Variants in CARD10 observed in about 807,000 individuals in gnomAD.
CARD10 encodes caspase recruitment domain family member 10, also known as caspase recruitment domain-containing protein 10.
In CARD10, 49 loss-of-function variants were observed where a neutral mutation model predicts 114.6. That is an observed-to-expected ratio of 0.43 (90% CI 0.34 to 0.54). The LOEUF is 0.54. CARD10 is among the 20% of genes least tolerant of loss of function. The pLI, the probability that CARD10 is intolerant of heterozygous loss-of-function variation, is 0.03. For synonymous variants in CARD10, 602 were observed against 593.2 expected (o/e 1.01, Z -0.21); for missense variants, 1,206 against 1,397.2 (o/e 0.86, Z 2.18).
chr22:37,519,077 G>T lies in CARD10; in HGVS notation c.124C>A (p.Leu42Met). Residue 42 changes from leucine to methionine, a missense_variant, in exon 1 of 20, where the codon CTG (leucine) becomes ATG (methionine). Physicochemically the swap from Leu to Met is conservative, Grantham distance 15. This residue lies in a region of CARD10 where 138 missense variants were observed against 218.0 expected (regional missense o/e 0.63). Transcript: ENST00000251973. The surrounding 1 kb of genome is among the most constrained non-coding windows in gnomAD (Gnocchi z 4.1). ...EGVRHRLARA[L>M]NPAKLTPYLR... is the part of the protein sequence containing the mutation. ...TACGGCGTGAGCTTGGCCGGGTTCA[G>T]GGCGCGAGCCAGCCGATGCCGGACG... 1 of 1,588,174 alleles carries T rather than the reference G, an allele frequency of 6.3e-7. No homozygotes were observed. Among genetic ancestry groups the T allele is most frequent in the Admixed American group, 1.7e-5 (1 of 58,574 alleles).
In CARD10 at chr22:37,496,504, C is replaced by T. The variant is rs756596755; in HGVS notation, c.2004G>A (p.Gln668=). ...EGACLEAEAQ[Q]RTLLWNQGST... ...ACCCCTGATTCCAGAGCAAGGTTCTCTGCTGGGCCTCGGCTTCCAGGCACG... is the reference window on the plus strand; with the variant it reads ...ACCCCTGATTCCAGAGCAAGGTTCTTTGCTGGGCCTCGGCTTCCAGGCACG... Residue 668 remains glutamine (Q), a synonymous_variant, in exon 13 of 20, where the codon CAG becomes CAA. Coordinates refer to ENST00000251973, the MANE Select transcript of CARD10 (RefSeq NM_014550.4). This position sits in a 1 kb window ranked among gnomAD's most constrained non-coding sequence, Gnocchi z 4.1. 2.5e-6 allele frequency: 4 copies of T among 1,613,816 alleles called. No individual in the cohort carries two copies. In the African/African-American group the frequency reaches 5.3e-5, roughly 22 times the overall value.
intron 7 of CARD10, among the ~76,000 whole-genome samples, chr22:37,505,039 C>A (rs1923357123): frequency 6.6e-6 from 1 of 152,202 alleles, no homozygotes; most frequent in Admixed American, 6.5e-5. Context: ...TCCAAAGAAA[C>A]TGTGGTTTGA....
intron 10 of CARD10, 35 bp downstream of exon 10, chr22:37,503,150 G>C: frequency 6.2e-7 from 1 of 1,607,596 alleles, no homozygotes; most frequent in African/African-American, 1.3e-5. Flanking sequence ...CCCCCGACCA[G>C]AGGAGCCCTC....
In CARD10 at chr22:37,504,697, G is replaced by A. The variant is rs775172893; in HGVS notation, c.1456C>T (p.Leu486=). The part of the protein sequence containing the change: ...TWSLSEFPSP[L]GGPEATGEAA... The stretch of plus-strand genomic sequence containing the variant: ...TCCCCAGTTGCTTCTGGGCCTCCCA[G>A]AGGGGAGGGGAACTCGCTCAGGCTC... The change falls in exon 8 of 20, where the codon CTG becomes TTG. Residue 486 remains leucine (L), a synonymous_variant. Coordinates refer to ENST00000251973, the MANE Select transcript of CARD10 (RefSeq NM_014550.4). The A allele has an allele frequency of 3.9e-5, 61 of 1,581,556 alleles. No homozygotes were observed. The highest frequency in any genetic ancestry group is 4.6e-5 in the Non-Finnish European group (54 of 1,165,436).
intron 8 of CARD10, 23 bp downstream of exon 8, chr22:37,504,612 T>C: frequency 6.9e-7 from 1 of 1,451,422 alleles, no homozygotes; most frequent in Non-Finnish European, 9.1e-7. Context: ...CCCCCCTTAT[T>C]TGGGATGGGG....
chr22:37,491,701 G>A, intron 19 of CARD10, 54 bp downstream of exon 19: 1 of 1,025,516 alleles, frequency 9.8e-7, no homozygotes, highest in South Asian at 1.3e-5. Context: ...CATCCTCAAG[G>A]AGGAAGCTCT....
rs534440808 is a variant in CARD10, at chr22:37,490,864, C to T, written c.*295G>A. On this transcript the variant is annotated 3_prime_UTR_variant, in exon 20 of 20. Coordinates refer to ENST00000251973, the MANE Select transcript of CARD10 (RefSeq NM_014550.4). ...ACAGGTGTGAGAACAGACTCCAGGG[C>T]GAGTGTTTAAGGAGAAGACACAGAC... The T allele has an allele frequency of 3.0e-4, 138 of 452,828 alleles. 2 individuals carry two copies. In the South Asian group the frequency reaches 4.0e-3, roughly 13 times the overall value. The allele number at this position is 452,828 out of a possible 1,614,324, so 28.1% of individuals were successfully genotyped here.
chr22:37,516,422 G>C (rs1923849031), intron 2 of CARD10, 124 bp from the exon 3 acceptor site: 4 of 699,526 alleles, frequency 5.7e-6, no homozygotes, highest in Non-Finnish European at 9.1e-6. Flanking sequence ...TATATTTGTA[G>C]AATTGGGAGC....
In CARD10 at chr22:37,492,685, T is replaced by C. The variant is rs377214071; in HGVS notation, c.2594A>G (p.Asp865Gly). ...LAPRLIRNLL[D>G]LPSSRLDFQV... ...GAAGTCCAGCCGGGAGCTGGGCAGG[T>C]CTAGCAGGTTACGGATGAGCCGGGG... The change falls in exon 17 of 20, where the codon GAC becomes GGC. Residue 865 changes from aspartate to glycine, a missense_variant. Physicochemically the swap from Asp to Gly is moderately conservative, Grantham distance 94. Coordinates refer to ENST00000251973, the MANE Select transcript of CARD10 (RefSeq NM_014550.4). This position sits in a 1 kb window ranked among gnomAD's most constrained non-coding sequence, Gnocchi z 5.7. The C allele has an allele frequency of 3.1e-6, 5 of 1,612,974 alleles. No individual in the cohort carries two copies. The highest frequency in any genetic ancestry group is 4.2e-6 in the Non-Finnish European group (5 of 1,179,872).
At chr22:37,498,328 T>C (rs1438573525) in intron 11 of CARD10, among the ~76,000 whole-genome samples, 1 of 152,148 alleles carries the variant, frequency 6.6e-6, no homozygotes, top group Non-Finnish European at 1.5e-5. Flanking sequence ...ATCCCCATCA[T>C]GGTAGGGTTC....
chr22:37,499,002 G>A (rs1278015144), intron 11 of CARD10, among the ~76,000 whole-genome samples: 1 of 152,010 alleles, frequency 6.6e-6, no homozygotes, highest in Non-Finnish European at 1.5e-5. Context: ...CTTAGTGGCT[G>A]GTAACATTCA....
intron 7 of CARD10, 145 bp downstream of exon 7, chr22:37,506,047 A>T (rs749569176): frequency 1.2e-4 from 70 of 579,924 alleles, no homozygotes; most frequent in Non-Finnish European, 1.7e-4. Flanking sequence ...TCCCGCCCCT[A>T]ACTGAGGACT....
At position 37,497,092 on chromosome 22, in the gene CARD10, C is replaced by T. The variant is rs1343377771; in HGVS notation, c.1874G>A (p.Gly625Glu). The change falls in exon 12 of 20, where the codon GGG (glycine) becomes GAG (glutamate). Residue 625 changes from glycine to glutamate, a missense_variant. This residue lies in a region of CARD10 where 1,068 missense variants were observed against 1,179.1 expected (regional missense o/e 0.91). Coordinates refer to ENST00000251973, the MANE Select transcript of CARD10 (RefSeq NM_014550.4). ...CACCACAGCCCCAGACCATCTGTCC[C>T]CATAAAACGACAGTCCATCTGGTCC... Reference protein sequence around the residue: ...DKGPDGLSFYGDRWSGAVVRR... With the variant: ...DKGPDGLSFYEDRWSGAVVRR... 1.9e-6 allele frequency: 3 copies of T among 1,614,128 alleles called. No individual in the cohort carries two copies. The African/African-American group carries it at 4.0e-5, about 22-fold the overall frequency.
In CARD10 at chr22:37,497,045, C is replaced by G. The variant is rs1312708740; in HGVS notation, c.1921G>C (p.Gly641Arg). ...TCTCTTGGTTCCATCCTGGCGGACC[C>G]AGGCCCAGACAGCACCCTGCGCACC... ...AVVRRVLSGPGSARMEPREQR... is the reference protein window; with the variant it reads ...AVVRRVLSGPRSARMEPREQR... The change falls in exon 12 of 20, where the codon GGG becomes CGG. Residue 641 changes from glycine (G) to arginine (R), a missense_variant. Coordinates refer to ENST00000251973, the MANE Select transcript of CARD10 (RefSeq NM_014550.4). The G allele has an allele frequency of 6.2e-7, 1 of 1,613,726 alleles. No homozygotes were observed. Among genetic ancestry groups the G allele is most frequent in the Non-Finnish European group, 8.5e-7 (1 of 1,179,894 alleles).
At chr22:37,500,702 G>A (rs749980335) in intron 11 of CARD10, among the ~76,000 whole-genome samples, 7 of 152,188 alleles carry the variant, frequency 4.6e-5, no homozygotes, top group South Asian at 2.1e-4. Flanking sequence ...AACCAGCTCC[G>A]AGGGGCCTGT....
chr22:37,498,905 TGGGGGGG>T (rs57436795), intron 11 of CARD10, among the ~76,000 whole-genome samples: 2 of 75,562 alleles, frequency 2.6e-5, no homozygotes, highest in Non-Finnish European at 5.4e-5. Flanking sequence ...TGCTGGGGGG[TGGGGGGG>T]GGGGGCACAT....
intron 2 of CARD10, 145 bp from the exon 3 acceptor site, chr22:37,516,443 T>C: frequency 1.7e-6 from 1 of 590,318 alleles, no homozygotes; most frequent in Non-Finnish European, 2.9e-6. Flanking sequence ...AGGGGAGGTC[T>C]TCCTAAACAA....
Position 37,491,218 on chromosome 22 carries a change from G to A in CARD10, c.3040C>T (p.Arg1014Cys), listed in dbSNP as rs1377342033. ...CTGCCGCACTCCACCCACACGAGGCGGGCCTGCTCCTGCAGGATGCGGCCG... is the reference window on the plus strand; with the variant it reads ...CTGCCGCACTCCACCCACACGAGGCAGGCCTGCTCCTGCAGGATGCGGCCG... Reference protein sequence around the residue: ...VRGRILQEQARLVWVECGSSR... With the variant: ...VRGRILQEQACLVWVECGSSR... The change falls in exon 20 of 20, where the codon CGC becomes TGC. Residue 1014 changes from arginine to cysteine, a missense_variant. Physicochemically the swap from Arg to Cys is radical, Grantham distance 180 (BLOSUM62 -3). Transcript: ENST00000251973. The A allele has an allele frequency of 5.1e-6, 8 of 1,571,602 alleles. No homozygotes were observed. Among genetic ancestry groups the A allele is most frequent in the East Asian group, 2.3e-5 (1 of 42,906 alleles).
At chr22:37,504,828 T>C in intron 7 of CARD10, 59 bp from the exon 8 acceptor site, 1 of 1,071,800 alleles carries the variant, frequency 9.3e-7, no homozygotes. Context: ...TCAACCACAG[T>C]CCTTTACTGA....
Sources: allele counts gnomAD v4.1 joint callset (sites outside exome capture counted in the v4.1 genomes callset), GRCh38; gene constraint gnomAD v4.1.1; regional missense constraint gnomAD v4.1.1; non-coding constraint Gnocchi (gnomAD v3.1); transcripts MANE v1.5; gene names NCBI Gene and HGNC (gene_info 2026-07-23, HGNC 2026-07-21).